The following CARMIL1 variants were observed in gnomAD, a reference collection of about 807,000 sequenced individuals.
CARMIL1 encodes the protein capping protein regulator and myosin 1 linker 1, also known as F-actin-uncapping protein LRRC16A.
In CARMIL1, 90 loss-of-function variants were observed where a neutral mutation model predicts 177.1. The ratio of observed to expected loss-of-function variants is 0.51; its 90% CI spans 0.43 to 0.61. The LOEUF is 0.61. CARMIL1 is among the 20% of genes least tolerant of loss of function. The probability of loss-of-function intolerance (pLI) is 0.00; values close to 1 mark genes in which losing one functional copy is unlikely to be tolerated. For missense variants in CARMIL1, 1,380 were observed against 1,667.0 expected (o/e 0.83, Z 3.00); for synonymous variants, 577 against 606.2 (o/e 0.95, Z 0.71).
At chr6:25,504,134 TCTC>T (rs1358350470) in intron 17 of CARMIL1, among the ~76,000 whole-genome samples, 2 of 152,148 alleles carry the variant, frequency 1.3e-5, no homozygotes, top group African/African-American at 2.4e-5. Context: ...ATTTAGTTCT[TCTC>T]CTGGTAGGGG....
chr6:25,426,110 A>G (rs1231245104), intron 3 of CARMIL1, among the ~76,000 whole-genome samples: 1 of 152,202 alleles, frequency 6.6e-6, no homozygotes, highest in Non-Finnish European at 1.5e-5. Flanking sequence ...ATGAATAAAT[A>G]GTGGTTAAGT....
chr6:25,599,006 C>T (rs3788991), intron 32 of CARMIL1, among the ~76,000 whole-genome samples: 87,047 of 152,114 alleles, frequency 0.57, 25,119 homozygotes, highest in Middle Eastern at 0.61. Context: ...TTTCTTGAGC[C>T]TCCCTGTTTC....
chr6:25,445,210 G>C (rs1265218724), intron 5 of CARMIL1, among the ~76,000 whole-genome samples: 5 of 152,166 alleles, frequency 3.3e-5, no homozygotes, highest in Non-Finnish European at 5.9e-5. Context: ...CTTCTCATTT[G>C]TTAAAAGTTT....
intron 13 of CARMIL1, among the ~76,000 whole-genome samples, chr6:25,491,087 T>G (rs926096075): frequency 6.6e-6 from 1 of 152,222 alleles, no homozygotes; most frequent in Non-Finnish European, 1.5e-5. Context: ...GTATCTCAGT[T>G]GAACTGATCT....
chr6:25,474,625 A>G (rs144255835), intron 11 of CARMIL1, among the ~76,000 whole-genome samples: 1 of 152,244 alleles, frequency 6.6e-6, no homozygotes, highest in Non-Finnish European at 1.5e-5. Context: ...AAGTACCCTC[A>G]TAGAATAAGC....
intron 19 of CARMIL1, 35 bp downstream of exon 19, chr6:25,510,641 G>A (rs1475999253): frequency 6.6e-7 from 1 of 1,505,058 alleles, no homozygotes; most frequent in Admixed American, 2.0e-5. Context: ...TGACAATGAT[G>A]AAAATAACCA....
intron 2 of CARMIL1, among the ~76,000 whole-genome samples, chr6:25,377,183 A>C (rs895868918): frequency 2.0e-5 from 3 of 152,174 alleles, no homozygotes; most frequent in Non-Finnish European, 4.4e-5. Context: ...AGCCTCAGCT[A>C]TGTCGATAGT....
At chr6:25,353,338 A>G (rs1036060369) in intron 2 of CARMIL1, among the ~76,000 whole-genome samples, 3 of 152,220 alleles carry the variant, frequency 2.0e-5, no homozygotes, top group Admixed American at 2.0e-4. Context: ...TGAGGTGCAG[A>G]CAGGGTAAAT....
chr6:25,562,249 T>TC (rs913248347), intron 29 of CARMIL1, among the ~76,000 whole-genome samples: 5 of 151,454 alleles, frequency 3.3e-5, no homozygotes, highest in Non-Finnish European at 7.4e-5. Context: ...CAGATATCTT[T>TC]TTTTTTTTTT....
intron 2 of CARMIL1, among the ~76,000 whole-genome samples, chr6:25,328,466 G>A (rs1785320377): frequency 6.6e-6 from 1 of 152,128 alleles, no homozygotes. Flanking sequence ...TTCATGAAAA[G>A]CTTCCTTTCT....
At chr6:25,502,444 A>G (rs575408778) in intron 17 of CARMIL1, among the ~76,000 whole-genome samples, 1 of 151,944 alleles carries the variant, frequency 6.6e-6, no homozygotes, top group African/African-American at 2.4e-5. Context: ...AATCCCAGCT[A>G]CTTGGGAGGC....
chr6:25,528,594 G>A (rs1807398986), intron 23 of CARMIL1, among the ~76,000 whole-genome samples: 1 of 152,174 alleles, frequency 6.6e-6, no homozygotes, highest in Non-Finnish European at 1.5e-5. Context: ...TTACCTGCAA[G>A]TTGAATCTCT....
rs146087175 is a variant in CARMIL1, at chr6:25,478,629, T to C, written c.875-3628T>C. 6.0e-3 allele frequency among the ~76,000 whole-genome samples: 910 copies of C among 152,170 alleles called. 11 individuals carry two copies. Among genetic ancestry groups the C allele is most frequent in the African/African-American group, 0.021 (855 of 41,508 alleles). On this transcript the variant is annotated intron_variant, in intron 11 of 36. Transcript: ENST00000329474. ...GGCTAACACAGTGAAACCCCGTCTTTACTAAAAATACAAAAAATTAGCCGA... is the reference window on the plus strand; with the variant it reads ...GGCTAACACAGTGAAACCCCGTCTTCACTAAAAATACAAAAAATTAGCCGA...
At chr6:25,565,780 G>A (rs1485980594) in intron 29 of CARMIL1, among the ~76,000 whole-genome samples, 1 of 152,188 alleles carries the variant, frequency 6.6e-6, no homozygotes, top group Non-Finnish European at 1.5e-5. Flanking sequence ...AGGAGTTGGA[G>A]GTTGCAGTGA....
At chr6:25,441,337 A>ATATATATATATATATATATATGTGTGTG in intron 5 of CARMIL1, among the ~76,000 whole-genome samples, 3 of 94,532 alleles carry the variant, frequency 3.2e-5, no homozygotes, top group African/African-American at 4.4e-5. Context: ...ATATATATAT[A>ATATATATATATATATATATATGTGTGTG]TGTGTGTGTG....
At chr6:25,594,637 A>C (rs1814644080) in intron 32 of CARMIL1, 110 bp downstream of exon 32, 1 of 660,408 alleles carries the variant, frequency 1.5e-6, no homozygotes, top group Non-Finnish European at 2.6e-6. Flanking sequence ...GGAAATTACT[A>C]TTCTGACAGC....
At chr6:25,435,887 A>G (rs1035330788) in intron 5 of CARMIL1, among the ~76,000 whole-genome samples, 5 of 152,154 alleles carry the variant, frequency 3.3e-5, no homozygotes, top group African/African-American at 9.7e-5. Flanking sequence ...ATATAACTCC[A>G]GATTTACAGG....
intron 2 of CARMIL1, among the ~76,000 whole-genome samples, chr6:25,306,190 G>C (rs577998060): frequency 6.6e-6 from 1 of 151,888 alleles, no homozygotes; most frequent in South Asian, 2.1e-4. Context: ...TATATAATAC[G>C]TGGCCTTTTG....
At chr6:25,550,582 T>C (rs1809986749) in intron 26 of CARMIL1, among the ~76,000 whole-genome samples, 1 of 152,134 alleles carries the variant, frequency 6.6e-6, no homozygotes, top group Admixed American at 6.6e-5. Flanking sequence ...TAAGGGGGTG[T>C]ATAAAGGCTT....
Sources: allele counts gnomAD v4.1 joint callset (sites outside exome capture counted in the v4.1 genomes callset), GRCh38; gene constraint gnomAD v4.1.1; transcripts MANE v1.5; gene names NCBI Gene and HGNC (gene_info 2026-07-23, HGNC 2026-07-21).